Variants in BRD10 observed in about 807,000 individuals in gnomAD.
BRD10 encodes bromodomain containing 10.
At chr9:6,006,940 C>T in the BRD10 span, among the ~76,000 whole-genome samples, 1 of 152,224 alleles carries the variant, frequency 6.6e-6, no homozygotes, top group East Asian at 1.9e-4. Context: ...CATTTTACAT[C>T]TGCAAACTAT....
chr9:5,880,503 G>T, the BRD10 span, among the ~76,000 whole-genome samples: 4 of 151,874 alleles, frequency 2.6e-5, no homozygotes, highest in Non-Finnish European at 4.4e-5. Flanking sequence ...AACAGAGTGA[G>T]ACTCTGTCTC....
the BRD10 span, among the ~76,000 whole-genome samples, chr9:5,916,572 T>C: frequency 6.7e-6 from 1 of 149,988 alleles, no homozygotes; most frequent in Non-Finnish European, 1.5e-5. Context: ...AAAACATATA[T>C]AAAACATATA....
At chr9:5,934,338 T>C in the BRD10 span, among the ~76,000 whole-genome samples, 2 of 151,264 alleles carry the variant, frequency 1.3e-5, no homozygotes, top group African/African-American at 4.8e-5. Flanking sequence ...AGGTATTAAA[T>C]ATCAATATAT....
the BRD10 span, chr9:5,944,997 T>A: frequency 8.6e-5 from 95 of 1,103,870 alleles, no homozygotes; most frequent in Non-Finnish European, 1.1e-4. Flanking sequence ...TGATAACACA[T>A]AATATAAAAC....
At chr9:5,892,353 T>A in the BRD10 span, 8 of 737,612 alleles carry the variant, frequency 1.1e-5, no homozygotes, top group Non-Finnish European at 1.7e-5. Context: ...GCTATGGATA[T>A]TGGTCACCTA....
the BRD10 span, among the ~76,000 whole-genome samples, chr9:5,942,012 T>C: frequency 8.6e-5 from 13 of 152,024 alleles, no homozygotes; most frequent in African/African-American, 3.1e-4. Flanking sequence ...AAAAGAAATA[T>C]TTTATAAATA....
the BRD10 span, among the ~76,000 whole-genome samples, chr9:5,989,692 G>C: frequency 6.6e-6 from 1 of 151,876 alleles, no homozygotes; most frequent in Non-Finnish European, 1.5e-5. Flanking sequence ...ACCACGCCTG[G>C]CTAACTTTTG....
chr9:5,886,111 G>A, the BRD10 span, among the ~76,000 whole-genome samples: 6 of 152,194 alleles, frequency 3.9e-5, no homozygotes, highest in Non-Finnish European at 5.9e-5. Flanking sequence ...ATACCTCTGC[G>A]GGGTGTGTGA....
the BRD10 span, among the ~76,000 whole-genome samples, chr9:5,982,490 G>A: frequency 1.3e-5 from 2 of 152,118 alleles, no homozygotes; most frequent in African/African-American, 2.4e-5. Flanking sequence ...GTGGATTAAT[G>A]AGGTATCATG....
the BRD10 span, among the ~76,000 whole-genome samples, chr9:5,907,752 A>T: frequency 6.6e-6 from 1 of 152,216 alleles, no homozygotes; most frequent in Admixed American, 6.5e-5. Flanking sequence ...CAGGAGCTCG[A>T]GACCAGCCTG....
At chr9:5,910,359 C>T in the BRD10 span, 6 of 152,026 alleles carry the variant, frequency 3.9e-5, no homozygotes, top group South Asian at 2.1e-4. Flanking sequence ...TTACACACAT[C>T]GAAAAAAACA....
At chr9:5,959,652 G>C in the BRD10 span, among the ~76,000 whole-genome samples, 1 of 152,148 alleles carries the variant, frequency 6.6e-6, no homozygotes, top group African/African-American at 2.4e-5. Flanking sequence ...GACACATGTA[G>C]TTAGGGTCTC....
chr9:5,964,035 A>C, the BRD10 span, among the ~76,000 whole-genome samples: 4 of 152,172 alleles, frequency 2.6e-5, no homozygotes, highest in Admixed American at 1.3e-4. Flanking sequence ...CAATGGCAAC[A>C]AAAGCCACAA....
the BRD10 span, among the ~76,000 whole-genome samples, chr9:5,947,692 T>C: frequency 3.3e-3 from 503 of 152,190 alleles, 3 homozygotes; most frequent in Non-Finnish European, 5.7e-3. Context: ...GTTTGACTTA[T>C]GCCAACTCGA....
At chr9:5,936,523 T>C in the BRD10 span, among the ~76,000 whole-genome samples, 10 of 152,196 alleles carry the variant, frequency 6.6e-5, no homozygotes, top group Non-Finnish European at 1.3e-4. Context: ...CATCCACATG[T>C]GTACTTTGTG....
At chr9:6,001,977 T>G in the BRD10 span, among the ~76,000 whole-genome samples, 1 of 152,324 alleles carries the variant, frequency 6.6e-6, no homozygotes, top group African/African-American at 2.4e-5. Context: ...AAGGGTTCCC[T>G]CCCATTATTT....
At chr9:6,007,738 T>A in the BRD10 span, 1 of 1,598,502 alleles carries the variant, frequency 6.3e-7, no homozygotes, top group Non-Finnish European at 8.5e-7. Flanking sequence ...TGGCGGCCGC[T>A]CTTCCTCCCC....
the BRD10 span, among the ~76,000 whole-genome samples, chr9:6,002,076 C>T: frequency 6.6e-6 from 1 of 152,208 alleles, no homozygotes; most frequent in African/African-American, 2.4e-5. Flanking sequence ...ACCATGACTT[C>T]TAAGTGTTCT....
the BRD10 span, among the ~76,000 whole-genome samples, chr9:5,935,263 T>C: frequency 9.8e-5 from 15 of 152,332 alleles, no homozygotes; most frequent in Admixed American, 3.3e-4. Context: ...ACTGAATACA[T>C]TGAATAGTAT....
Sources: gnomAD v4.1 joint callset for allele counts (sites outside exome capture counted in the v4.1 genomes callset) on GRCh38, gnomAD v4.1.1 for gene constraint, MANE v1.5 for transcripts, NCBI Gene and HGNC (gene_info 2026-07-23, HGNC 2026-07-21) for gene names.